The following TXNDC8 variants were observed in gnomAD, a reference collection of about 807,000 sequenced individuals.
TXNDC8 encodes thioredoxin domain-containing protein 8.
A neutral mutation model predicts 12.9 loss-of-function variants in TXNDC8; 15 were observed. That is an observed-to-expected ratio of 1.16 (90% CI 0.78 to 1.79). The LOEUF is 1.79. TXNDC8 is among the 40% of genes most tolerant of loss of function. The pLI is 0.00. For synonymous variants in TXNDC8, 40 were observed against 35.4 expected, an observed-to-expected ratio of 1.13 and a Z score of -0.46; for missense variants, 128 against 113.2, an observed-to-expected ratio of 1.13 and a Z score of -0.59.
At chr9:110,328,405 G>C (rs1038152886) in intron 2 of TXNDC8, among the ~76,000 whole-genome samples, 1 of 152,126 alleles carries the variant, frequency 6.6e-6, no homozygotes, top group African/African-American at 2.4e-5. Context: ...AGGGATTTCT[G>C]GGAATTTCTT....
At chr9:110,316,089 G>C (rs1838877289) in intron 3 of TXNDC8, among the ~76,000 whole-genome samples, 1 of 150,376 alleles carries the variant, frequency 6.6e-6, no homozygotes, top group Non-Finnish European at 1.5e-5. Flanking sequence ...ATTTTTAGAA[G>C]AGATGGGGTT....
At chr9:110,318,476 C>G (rs946868603) in intron 3 of TXNDC8, among the ~76,000 whole-genome samples, 1 of 152,158 alleles carries the variant, frequency 6.6e-6, no homozygotes. Context: ...GTTGCTCACG[C>G]CTGTAATCCC....
chr9:110,324,080 G>A, intron 3 of TXNDC8: 1 of 1,466,370 alleles, frequency 6.8e-7, no homozygotes, highest in Non-Finnish European at 9.1e-7. Context: ...ATAGAGAATG[G>A]ATGCTGGGTG....
chr9:110,318,208 T>A (rs138525358), intron 3 of TXNDC8, among the ~76,000 whole-genome samples: 130 of 152,336 alleles, frequency 8.5e-4, no homozygotes, highest in African/African-American at 3.0e-3. Context: ...CATTCCTATG[T>A]GTCTGACAAG....
At chr9:110,304,637 G>C in intron 3 of TXNDC8, 105 bp from the exon 5 acceptor site, 1 of 1,025,546 alleles carries the variant, frequency 9.8e-7, no homozygotes, top group Non-Finnish European at 1.4e-6. Flanking sequence ...GAAGGTGTCA[G>C]AAAGGATCTG....
intron 3 of TXNDC8, among the ~76,000 whole-genome samples, chr9:110,310,430 A>C (rs772585972): frequency 5.9e-5 from 9 of 152,334 alleles, no homozygotes; most frequent in Non-Finnish European, 1.2e-4. Flanking sequence ...GTAGTGAAAC[A>C]GGTTATCAAG....
intron 3 of TXNDC8, among the ~76,000 whole-genome samples, chr9:110,324,840 G>A (rs762702475): frequency 7.2e-5 from 11 of 152,144 alleles, no homozygotes; most frequent in Non-Finnish European, 1.5e-4. Flanking sequence ...CACCAAGTGC[G>A]GTGGCACATG....
At chr9:110,328,502 A>G (rs956266777) in intron 2 of TXNDC8, among the ~76,000 whole-genome samples, 1 of 152,250 alleles carries the variant, frequency 6.6e-6, no homozygotes, top group African/African-American at 2.4e-5. Context: ...GCACTGAGGT[A>G]GGTTTTAGAA....
At chr9:110,321,699 C>G (rs10816971) in intron 3 of TXNDC8, among the ~76,000 whole-genome samples, 1 of 150,334 alleles carries the variant, frequency 6.7e-6, no homozygotes, top group African/African-American at 2.5e-5. Flanking sequence ...TGGATGTTCA[C>G]GGACACCTTC....
intron 3 of TXNDC8, chr9:110,323,039 A>G: frequency 1.0e-6 from 1 of 985,374 alleles, no homozygotes; most frequent in Non-Finnish European, 1.2e-6. Flanking sequence ...CTTAAATACA[A>G]TGGTTTAGCC....
chr9:110,311,634 C>T (rs1056049001), intron 3 of TXNDC8, among the ~76,000 whole-genome samples: 2 of 123,260 alleles, frequency 1.6e-5, no homozygotes, highest in Non-Finnish European at 3.3e-5. Flanking sequence ...ATATATATAT[C>T]TCCATACTAT....
chr9:110,319,130 G>A (rs576877193), intron 3 of TXNDC8, among the ~76,000 whole-genome samples: 39 of 152,302 alleles, frequency 2.6e-4, no homozygotes, highest in African/African-American at 8.4e-4. Context: ...GGAGTTGATA[G>A]GAACCCCTTT....
chr9:110,311,579 GATTACTAT>G (rs1838676747), intron 3 of TXNDC8, among the ~76,000 whole-genome samples: 1 of 63,144 alleles, frequency 1.6e-5, no homozygotes, highest in African/African-American at 4.8e-5. Flanking sequence ...TATATATATG[GATTACTAT>G]ATTACTATAT....
intron 2 of TXNDC8, among the ~76,000 whole-genome samples, chr9:110,327,849 T>C (rs1839394676): frequency 6.6e-6 from 1 of 152,224 alleles, no homozygotes; most frequent in African/African-American, 2.4e-5. Flanking sequence ...CTTAGAGTGA[T>C]GAAAGTGTTC....
At position 110,334,266 on chromosome 9, in the gene TXNDC8, A is replaced by G; in HGVS notation, c.79T>C (p.Phe27Leu). The change falls in exon 2 of 5, where the codon TTT (phenylalanine) becomes CTT (leucine). Residue 27 changes from phenylalanine (F) to leucine (L), a missense_variant. Phe to Leu is a conservative substitution (Grantham distance 22). Transcript: ENST00000423740. ...CAGGGACCACACCGTTTCGAAGAAA[A>G]TTGAACCACTGCGAGTTTGTGTCCG... 1.2e-6 allele frequency: 2 copies of G among 1,614,038 alleles called. No homozygotes were observed. Among genetic ancestry groups the G allele is most frequent in the Non-Finnish European group, 1.7e-6 (2 of 1,179,898 alleles).
intron 3 of TXNDC8, 44 bp from the exon 5 acceptor site, chr9:110,304,576 G>T: frequency 6.4e-7 from 1 of 1,563,096 alleles, no homozygotes; most frequent in Non-Finnish European, 8.8e-7. Flanking sequence ...GAGTTGCCTG[G>T]TTTGTAACCA....
chr9:110,306,242 T>C lies in TXNDC8; in HGVS notation c.196-1710A>G, dbSNP rs547604377. On this transcript the variant is annotated intron_variant, in intron 3 of 4. Transcript: ENST00000423740. Reference sequence around the variant, plus strand: ...TCTAGCTCTGCATCCTTGACAACACTTGATATTGCCAGTCTTTTTCATGTT... The same window carrying C: ...TCTAGCTCTGCATCCTTGACAACACCTGATATTGCCAGTCTTTTTCATGTT... Among the ~76,000 whole-genome samples the C allele has an allele frequency of 5.1e-4, 78 of 152,338 alleles. 1 individual carries two copies. The highest frequency in any genetic ancestry group is 1.8e-3 in the African/African-American group (75 of 41,580).
intron 3 of TXNDC8, among the ~76,000 whole-genome samples, chr9:110,311,413 T>C (rs1345247629): frequency 6.0e-5 from 9 of 149,314 alleles, no homozygotes; most frequent in Non-Finnish European, 1.0e-4. Context: ...TTTAAAAAGG[T>C]GAACAATTTT....
In TXNDC8 at chr9:110,311,678, T is replaced by A. The variant is rs1156609886; in HGVS notation, c.196-7146A>T. Among the ~76,000 whole-genome samples the A allele has an allele frequency of 4.9e-3, 573 of 115,814 alleles. 6 individuals are homozygous for A. Among genetic ancestry groups the A allele is most frequent in the Non-Finnish European group, 6.9e-3 (406 of 58,822 alleles). 76.0% of individuals were successfully genotyped at this position (115,814 alleles called of 152,430 possible). ...ATGGATATAGTAATATAGTATATCC[T>A]TATATATATATATATATACATGGAT... On this transcript the variant is annotated intron_variant, in intron 3 of 4. Coordinates refer to ENST00000423740, the MANE Select transcript of TXNDC8 (RefSeq NM_001286946.2).
Sources: gnomAD v4.1 joint callset for allele counts (sites outside exome capture counted in the v4.1 genomes callset) on GRCh38, gnomAD v4.1.1 for gene constraint, MANE v1.5 for transcripts, NCBI Gene and HGNC (gene_info 2026-07-23, HGNC 2026-07-21) for gene names.